Variants in ZNF676 observed in about 807,000 individuals in gnomAD.
ZNF676 encodes zinc finger protein 676.
Under a neutral mutation model 6.0 loss-of-function variants are expected in ZNF676, and 4 were observed. That is an observed-to-expected ratio of 0.67 (90% CI 0.33 to 1.53). The LOEUF (loss-of-function observed/expected upper bound fraction) is 1.53, where lower values mean the gene tolerates loss of function less well. Among genes scored for constraint, ZNF676 ranks in the 40% most tolerant of loss-of-function variants. The probability of loss-of-function intolerance (pLI) is 0.06; values close to 1 mark genes in which losing one functional copy is unlikely to be tolerated. For missense variants in ZNF676, 644 were observed against 679.7 expected, an observed-to-expected ratio of 0.95 and a Z score of 0.58; for synonymous variants, 198 against 223.1, an observed-to-expected ratio of 0.89 and a Z score of 1.00.
At chr19:22,216,201 G>A (rs1276636698), upstream of ZNF676, among the ~76,000 whole-genome samples, 1 of 152,174 alleles carries the variant, frequency 6.6e-6, no homozygotes, top group Non-Finnish European at 1.5e-5. Flanking sequence ...TTGGGAGGCC[G>A]AGGCGGGTGG....
the ZNF676 span, among the ~76,000 whole-genome samples, chr19:22,259,481 T>C: frequency 1.3e-5 from 2 of 152,304 alleles, no homozygotes; most frequent in South Asian, 2.1e-4. Context: ...TATGTAACGA[T>C]GATTCTCGTG....
chr19:22,246,764 A>G, the ZNF676 span, among the ~76,000 whole-genome samples: 3 of 152,354 alleles, frequency 2.0e-5, no homozygotes, highest in East Asian at 5.8e-4. Flanking sequence ...AGGTCCAGTG[A>G]TAAGCCACTC....
At chr19:22,238,625 G>A in the ZNF676 span, among the ~76,000 whole-genome samples, 2 of 152,006 alleles carry the variant, frequency 1.3e-5, no homozygotes, top group African/African-American at 2.4e-5. Context: ...ATTAGTCAGG[G>A]TTCTCCAGAG....
At position 22,206,269 on chromosome 19, in the gene ZNF676, C is replaced by T. The variant is rs533460399; in HGVS notation, c.3+9363G>A. 7.2e-5 allele frequency among the ~76,000 whole-genome samples: 11 copies of T among 152,224 alleles called. No homozygotes were observed. The South Asian group carries it at 1.7e-3, about 23-fold the overall frequency. ...TCAAAAGATTAAAAAGAAGAAACTC[C>T]TCCCCAACTCATTATGTAAGAACAG... On this transcript the variant is annotated intron_variant, in intron 1 of 3. Coordinates refer to the ZNF676 transcript ENST00000650058.
rs1394678905 is a variant in ZNF676 at position 22,191,280 on chromosome 19, C to A, written c.130+1736G>T. 2.6e-5 allele frequency among the ~76,000 whole-genome samples: 4 copies of A among 152,128 alleles called. No individual in the cohort carries two copies. The South Asian group carries it at 8.3e-4, about 32-fold the overall frequency. ...CATTCAGGTGGCAAACTAGAGGACC[C>A]CTGCTCTTGACTACAGACCAGAAAA... On this transcript the variant is annotated intron_variant, in intron 2 of 2. Transcript: ENST00000397121.
At chr19:22,257,280 G>A in the ZNF676 span, among the ~76,000 whole-genome samples, 1 of 152,034 alleles carries the variant, frequency 6.6e-6, no homozygotes, top group Non-Finnish European at 1.5e-5. Flanking sequence ...AGAACAGGCA[G>A]GAAAAAGGCA....
chr19:22,255,554 G>A, the ZNF676 span, among the ~76,000 whole-genome samples: 1 of 152,150 alleles, frequency 6.6e-6, no homozygotes, highest in African/African-American at 2.4e-5. Flanking sequence ...ATTTAAAAAT[G>A]TTTTGCTATC....
chr19:22,235,113 CAGGAAGGCAGGA>C, the ZNF676 span, among the ~76,000 whole-genome samples: 16 of 102,758 alleles, frequency 1.6e-4, no homozygotes, highest in East Asian at 1.1e-3. Flanking sequence ...GTCAGGAAGG[CAGGAAGGCAGGA>C]AGGAAGGAAG....
At chr19:22,185,165 G>C (rs2023818872) in intron 2 of ZNF676, among the ~76,000 whole-genome samples, 1 of 152,174 alleles carries the variant, frequency 6.6e-6, no homozygotes, top group Non-Finnish European at 1.5e-5. Context: ...CCTTCCAGAG[G>C]AAGGAACAGG....
intron 1 of ZNF676, among the ~76,000 whole-genome samples, chr19:22,214,164 C>G (rs1459203077): frequency 6.6e-6 from 1 of 152,122 alleles, no homozygotes; most frequent in East Asian, 1.9e-4. Context: ...AAGTCAGAGT[C>G]AGGCTGGAGA....
the ZNF676 span, among the ~76,000 whole-genome samples, chr19:22,239,569 T>C: frequency 6.6e-6 from 1 of 152,184 alleles, no homozygotes; most frequent in Non-Finnish European, 1.5e-5. Flanking sequence ...AGTGTTAGCT[T>C]TGTCTGCGTA....
At chr19:22,234,254 T>A in the ZNF676 span, among the ~76,000 whole-genome samples, 1 of 152,314 alleles carries the variant, frequency 6.6e-6, no homozygotes, top group South Asian at 2.1e-4. Context: ...GAGGCCATAG[T>A]CTTTTCTTCC....
chr19:22,228,957 C>T, the ZNF676 span, among the ~76,000 whole-genome samples: 2 of 152,078 alleles, frequency 1.3e-5, no homozygotes, highest in Admixed American at 1.3e-4. Context: ...CCAATGCCAT[C>T]CCCATGAAGC....
At chr19:22,202,208 C>T (rs1275061671) in intron 1 of ZNF676, among the ~76,000 whole-genome samples, 2 of 151,904 alleles carry the variant, frequency 1.3e-5, no homozygotes, top group Non-Finnish European at 2.9e-5. Context: ...ACTCAATGCA[C>T]ATATTTTACT....
At chr19:22,200,108 G>T (rs2144785156), upstream of ZNF676, among the ~76,000 whole-genome samples, 1 of 152,170 alleles carries the variant, frequency 6.6e-6, no homozygotes, top group Admixed American at 6.5e-5. Context: ...TGGCACTGGG[G>T]GGTATTGTAA....
upstream of ZNF676, among the ~76,000 whole-genome samples, chr19:22,199,296 AAC>A (rs2024001424): frequency 6.6e-6 from 1 of 152,358 alleles, no homozygotes; most frequent in African/African-American, 2.4e-5. Context: ...AATGAGGCAG[AAC>A]ACAGATACTT....
rs771932851 is a variant in ZNF676 at position 22,204,754 on chromosome 19, T to C, written c.4-8028A>G. Among the ~76,000 whole-genome samples, 17 of 152,140 alleles carry C rather than the reference T, an allele frequency of 1.1e-4. 1 individual carries two copies. Among genetic ancestry groups the C allele is most frequent in the Middle Eastern group, 6.3e-3 (2 of 316 alleles). On this transcript the variant is annotated intron_variant, in intron 1 of 3. Coordinates refer to the ZNF676 transcript ENST00000650058. The stretch of plus-strand genomic sequence containing the variant: ...ACTCTCAACAAATCTGTGTCTACTT[T>C]AAAGACTAAAGATAAAAATATATAT...
At position 22,208,722 on chromosome 19, in the gene ZNF676, T is replaced by C. The variant is rs371633085; in HGVS notation, c.3+6910A>G. On this transcript the variant is annotated intron_variant, in intron 1 of 3. Transcript: ENST00000650058. Reference sequence around the variant, plus strand: ...CACTTTGGGGGCTGAGCCAGGTGGATTGCCTGAGCTCAGGAGTTTGAGACC... The same window carrying C: ...CACTTTGGGGGCTGAGCCAGGTGGACTGCCTGAGCTCAGGAGTTTGAGACC... 1.3e-4 allele frequency among the ~76,000 whole-genome samples: 20 copies of C among 152,214 alleles called. No individual in the cohort carries two copies. The East Asian group carries it at 2.7e-3, about 21-fold the overall frequency.
chr19:22,179,913 A>C lies in ZNF676; in HGVS notation c.*37T>G. 6.3e-7 allele frequency: 1 copy of C among 1,591,634 alleles called. No homozygotes were observed. Reference sequence around the variant, plus strand: ...GAATTTTCTTATGTTTACTAGACTGAGAATCAGCTGAAGGATTTACCACAT... The same window carrying C: ...GAATTTTCTTATGTTTACTAGACTGCGAATCAGCTGAAGGATTTACCACAT... On this transcript the variant is annotated 3_prime_UTR_variant, in exon 3 of 3. Transcript: ENST00000397121.
Sources: allele counts gnomAD v4.1 joint callset (sites outside exome capture counted in the v4.1 genomes callset), GRCh38; gene constraint gnomAD v4.1.1; transcripts MANE v1.5; gene names NCBI Gene and HGNC (gene_info 2026-07-23, HGNC 2026-07-21).